The following FXYD3 variants were observed in gnomAD, a reference collection of about 807,000 sequenced individuals.
FXYD3 encodes the protein FXYD domain-containing ion transport regulator 3.
Under a neutral mutation model 19.2 loss-of-function variants are expected in FXYD3, and 13 were observed. That is an observed-to-expected ratio of 0.68 (90% CI 0.44 to 1.08). The LOEUF is 1.08. Ranked by LOEUF, FXYD3 falls within the 50% of genes least tolerant of loss-of-function variation. The probability of loss-of-function intolerance (pLI) is 0.00; values close to 1 mark genes in which losing one functional copy is unlikely to be tolerated. For synonymous variants in FXYD3, 48 were observed against 38.9 expected (o/e 1.23, Z -0.87); for missense variants, 101 against 109.4 (o/e 0.92, Z 0.34).
rs1013475624 is a variant in FXYD3 at position 35,123,721 on chromosome 19, G to A, written c.*264G>A. On this transcript the variant is annotated 3_prime_UTR_variant, in exon 9 of 9. Transcript: ENST00000604404. ...CTTGGGGCACCATGAGAAGGTTGGC[G>A]TGCCCTGGAGGCTGACACAGAGGCT... 3 of 557,300 alleles carry A rather than the reference G, an allele frequency of 5.4e-6. No individual in the cohort carries two copies. Among genetic ancestry groups the A allele is most frequent in the Non-Finnish European group, 9.6e-6 (3 of 311,836 alleles). The allele number at this position is 557,300 out of a possible 1,614,324, so 34.5% of individuals were successfully genotyped here. A position where few individuals can be genotyped will look rare whatever the true frequency, so the allele number is the denominator to read the frequency against.
intron 2 of FXYD3, chr19:35,117,327 G>A (rs1208702194): frequency 2.0e-6 from 3 of 1,509,656 alleles, no homozygotes; most frequent in South Asian, 2.6e-5. Flanking sequence ...GTATAGTGGG[G>A]CCTTGCAGGC....
At chr19:35,121,915 C>G (rs1372605336) in intron 5 of FXYD3, 1 of 153,146 alleles carries the variant, frequency 6.5e-6, no homozygotes, top group Non-Finnish European at 1.5e-5. Context: ...ACTGCAGCCT[C>G]AAACTCCTGG....
chr19:35,122,832 C>G lies in FXYD3; in HGVS notation c.165C>G (p.Ile55Met), dbSNP rs567610782. Residue 55 changes from isoleucine (I) to methionine (M), a missense_variant, in exon 6 of 9, where the codon ATC becomes ATG. Coordinates refer to ENST00000604404, the MANE Select transcript of FXYD3 (RefSeq NM_005971.4). ...AGVLCAMGII[I>M]VMSAKCKCKF... ...TTCTGTGCGCCATGGGCATCATCATCGTCATGAGTGAGTGGAGGAGCTCGG... is the reference window on the plus strand; with the variant it reads ...TTCTGTGCGCCATGGGCATCATCATGGTCATGAGTGAGTGGAGGAGCTCGG... 4 of 1,613,978 alleles carry G rather than the reference C, an allele frequency of 2.5e-6. No individual in the cohort carries two copies. In the African/African-American group the frequency reaches 5.3e-5, roughly 22 times the overall value.
At chr19:35,122,996 C>T (rs377161923) in intron 7 of FXYD3, 42 bp downstream of exon 7, 111 of 1,542,054 alleles carry the variant, frequency 7.2e-5, no homozygotes, top group Non-Finnish European at 8.3e-5. Context: ...GCTGACTGGA[C>T]GCTTTTCAGG....
intron 3 of FXYD3, among the ~76,000 whole-genome samples, chr19:35,120,061 G>A (rs549985647): frequency 1.3e-5 from 2 of 152,108 alleles, no homozygotes; most frequent in East Asian, 3.9e-4. Flanking sequence ...TGCCCTGCCA[G>A]TTCTCTAAAA....
Position 35,123,884 on chromosome 19 carries a change from TGAAA to T in FXYD3, c.*430_*433del, listed in dbSNP as rs2065104538. 4.1e-6 allele frequency: 1 copy of T among 245,714 alleles called. No individual in the cohort carries two copies. The highest frequency in any genetic ancestry group is 8.0e-6 in the Non-Finnish European group (1 of 124,898). The allele number at this position is 245,714 out of a possible 1,614,324, so 15.2% of individuals were successfully genotyped here. A position where few individuals can be genotyped will look rare whatever the true frequency, so the allele number is the denominator to read the frequency against. ...GGGATTTACTAGTAGCCAAAAGGAA[TGAAA>T]GAGAGCTCTAACCAGATGGAACACT... is the stretch of plus-strand genomic sequence containing the variant. On this transcript the variant is annotated 3_prime_UTR_variant, in exon 9 of 9. Coordinates refer to ENST00000604404, the MANE Select transcript of FXYD3 (RefSeq NM_005971.4).
chr19:35,121,134 C>T (rs188585773), intron 4 of FXYD3, 24 bp downstream of exon 4: 313 of 1,613,882 alleles, frequency 1.9e-4, no homozygotes, highest in African/African-American at 9.3e-5. Flanking sequence ...GACTCTCACC[C>T]GTCACACCCC....
At position 35,123,349 on chromosome 19, in the gene FXYD3, G is replaced by GGTGTGTGTGT. The variant is rs71167516; in HGVS notation, c.247+50_247+59dup. The stretch of plus-strand genomic sequence containing the variant: ...ATGGGGCTCAGGGGAACACGGAAGT[G>GGTGTGTGTGT]GTGTGTGTGTGTGTGTGTATGTGTG... On this transcript the variant is annotated intron_variant, in intron 8 of 8. Coordinates refer to ENST00000604404, the MANE Select transcript of FXYD3 (RefSeq NM_005971.4). The GGTGTGTGTGT allele has an allele frequency of 3.4e-6, 5 of 1,485,646 alleles. No homozygotes were observed. In the African/African-American group the frequency reaches 7.0e-5, roughly 21 times the overall value. 92.0% of individuals were successfully genotyped at this position (1,485,646 alleles called of 1,614,324 possible).
intron 3 of FXYD3, among the ~76,000 whole-genome samples, chr19:35,120,517 G>A (rs2145332625): frequency 6.6e-6 from 1 of 152,314 alleles, no homozygotes; most frequent in East Asian, 1.9e-4. Flanking sequence ...AAAGCTCTGG[G>A]ATTACAGGCA....
At chr19:35,117,862 G>T (rs1037256038) in intron 2 of FXYD3, among the ~76,000 whole-genome samples, 4 of 150,882 alleles carry the variant, frequency 2.7e-5, no homozygotes, top group Non-Finnish European at 4.4e-5. Context: ...GCCAGGCAGA[G>T]GGAGGAGTCT....
At chr19:35,119,196 C>A in intron 2 of FXYD3, 167 bp from the exon 3 acceptor site, 21 of 1,568,906 alleles carry the variant, frequency 1.3e-5, no homozygotes, top group Non-Finnish European at 1.7e-5. Flanking sequence ...CCCCACTCCA[C>A]GGTGCAGCTG....
chr19:35,123,328 G>A lies in FXYD3; in HGVS notation c.247+20G>A. ...CCCCAGGTAAGATGGGGCAGCATGG[G>A]GCTCAGGGGAACACGGAAGTGGTGT... On this transcript the variant is annotated intron_variant, in intron 8 of 8. Transcript: ENST00000604404. 6.2e-7 allele frequency: 1 copy of A among 1,611,748 alleles called. No homozygotes were observed. Among genetic ancestry groups the A allele is most frequent in the Non-Finnish European group, 8.5e-7 (1 of 1,178,782 alleles).
rs1294936930 is a variant in FXYD3, at chr19:35,122,791, C to T, written c.124C>T (p.Leu42Phe). 4 of 1,613,740 alleles carry T rather than the reference C, an allele frequency of 2.5e-6. No homozygotes were observed. Among genetic ancestry groups the T allele is most frequent in the South Asian group, 2.2e-5 (2 of 91,088 alleles). Reference protein sequence around the residue: ...YDWHSLQVGGLICAGVLCAMG... With the variant: ...YDWHSLQVGGFICAGVLCAMG... Reference sequence around the variant, plus strand: ...CTGGCACAGCCTCCAGGTTGGCGGGCTCATCTGCGCTGGGGTTCTGTGCGC... The same window carrying T: ...CTGGCACAGCCTCCAGGTTGGCGGGTTCATCTGCGCTGGGGTTCTGTGCGC... The change falls in exon 6 of 9, where the codon CTC (leucine) becomes TTC (phenylalanine). Residue 42 changes from leucine (L) to phenylalanine (F), a missense_variant. Leu to Phe is a conservative substitution (Grantham distance 22). Coordinates refer to ENST00000604404, the MANE Select transcript of FXYD3 (RefSeq NM_005971.4).
Position 35,123,582 on chromosome 19 carries a change from G to A in FXYD3, c.*125G>A, listed in dbSNP as rs1241716525. 8 of 974,872 alleles carry A rather than the reference G, an allele frequency of 8.2e-6. No homozygotes were observed. Among genetic ancestry groups the A allele is most frequent in the African/African-American group, 6.5e-5 (4 of 61,846 alleles). The allele number at this position is 974,872 out of a possible 1,614,324, so 60.4% of individuals were successfully genotyped here. On this transcript the variant is annotated 3_prime_UTR_variant, in exon 9 of 9. Transcript: ENST00000604404. Reference sequence around the variant, plus strand: ...CTGCTGGGACTCCTTTGCATGGCAGGGCCTCATCTCACCTCTCGCAAGAGG... The same window carrying A: ...CTGCTGGGACTCCTTTGCATGGCAGAGCCTCATCTCACCTCTCGCAAGAGG...
chr19:35,119,451 G>C (rs1275480626), intron 3 of FXYD3, 35 bp downstream of exon 3: 1 of 1,589,086 alleles, frequency 6.3e-7, no homozygotes, highest in South Asian at 1.1e-5. Flanking sequence ...TTTTCCTCTG[G>C]ATCCCCTGGA....
At chr19:35,119,539 C>T (rs1222401597) in intron 3 of FXYD3, 123 bp downstream of exon 3, 13 of 847,210 alleles carry the variant, frequency 1.5e-5, no homozygotes, top group Non-Finnish European at 2.5e-5. Context: ...AACAGCATCT[C>T]CCTGAGGGTA....
intron 3 of FXYD3, 143 bp from the exon 4 acceptor site, chr19:35,120,935 G>T: frequency 1.3e-6 from 1 of 767,156 alleles, no homozygotes; most frequent in East Asian, 2.7e-5. Flanking sequence ...GGGATATGAG[G>T]GGATGAGGTG....
chr19:35,123,538 G>C lies in FXYD3; in HGVS notation c.*81G>C. 6.8e-7 allele frequency: 1 copy of C among 1,463,696 alleles called. No homozygotes were observed. The highest frequency in any genetic ancestry group is 1.7e-5 in the Admixed American group (1 of 58,844). 90.7% of individuals were successfully genotyped at this position (1,463,696 alleles called of 1,614,324 possible). The stretch of plus-strand genomic sequence containing the variant: ...TCTCTGCACAGAAACTTGAACTCCA[G>C]GATGGAATTCTTCCTCCTCTGCTGG... On this transcript the variant is annotated 3_prime_UTR_variant, in exon 9 of 9. Coordinates refer to ENST00000604404, the MANE Select transcript of FXYD3 (RefSeq NM_005971.4).
chr19:35,123,294 C>T lies in FXYD3; in HGVS notation c.233C>T (p.Pro78Leu). The T allele has an allele frequency of 1.2e-6, 2 of 1,608,086 alleles. No homozygotes were observed. Among genetic ancestry groups the T allele is most frequent in the Non-Finnish European group, 1.7e-6 (2 of 1,177,106 alleles). Reference sequence around the variant, plus strand: ...AGTCACCATCCAGGGGAGACTCCACCTCTCATCACCCCAGGTAAGATGGGG... The same window carrying T: ...AGTCACCATCCAGGGGAGACTCCACTTCTCATCACCCCAGGTAAGATGGGG... Reference protein sequence around the residue: ...KSGHHPGETPPLITPGSAQS With the variant: ...KSGHHPGETPLLITPGSAQS Residue 78 changes from proline (P) to leucine (L), a missense_variant, in exon 8 of 9, where the codon CCT (proline) becomes CTT (leucine). By Grantham distance (98) the Pro-to-Leu change is moderately conservative. Transcript: ENST00000604404.
Sources: gnomAD v4.1 joint callset for allele counts (sites outside exome capture counted in the v4.1 genomes callset) on GRCh38, gnomAD v4.1.1 for gene constraint, MANE v1.5 for transcripts, NCBI Gene and HGNC (gene_info 2026-07-23, HGNC 2026-07-21) for gene names.